Variants in HKDC1 observed in about 807,000 individuals in gnomAD.
HKDC1 encodes the protein hexokinase domain containing 1.
Under a neutral mutation model 96.6 loss-of-function variants are expected in HKDC1, and 66 were observed. That is an observed-to-expected ratio of 0.68 (90% CI 0.56 to 0.84). The LOEUF (loss-of-function observed/expected upper bound fraction) is 0.84. Among genes scored for constraint, HKDC1 ranks in the 40% least tolerant of loss-of-function variants. The pLI, the probability that HKDC1 is intolerant of heterozygous loss-of-function variation, is 0.00. For synonymous variants in HKDC1, 466 were observed against 473.1 expected, an observed-to-expected ratio of 0.98 and a Z score of 0.20; for missense variants, 1,211 against 1,208.1, an observed-to-expected ratio of 1.00 and a Z score of -0.04.
At chr10:69,256,294 A>C (rs979661638) in intron 12 of HKDC1, among the ~76,000 whole-genome samples, 1 of 152,244 alleles carries the variant, frequency 6.6e-6, no homozygotes, top group Admixed American at 6.5e-5. Flanking sequence ...GTACAGGATG[A>C]TAGATCCATA....
chr10:69,248,701 T>C lies in HKDC1; in HGVS notation c.1543T>C (p.Tyr515His), dbSNP rs759564040. The C allele has an allele frequency of 1.7e-5, 28 of 1,611,512 alleles. No homozygotes were observed. Among genetic ancestry groups the C allele is most frequent in the Non-Finnish European group, 2.2e-5 (26 of 1,178,310 alleles). Residue 515 changes from tyrosine to histidine, a missense_variant, in exon 10 of 18, where the codon TAC becomes CAC. Tyr to His is a moderately conservative substitution (Grantham distance 83). Coordinates refer to ENST00000354624, the MANE Select transcript of HKDC1 (RefSeq NM_025130.4). ...GGCCACGGTCAGGATGCTGCCCACCTACGTCTGCGGGCTGCCGGACGGCAC... is the reference window on the plus strand; with the variant it reads ...GGCCACGGTCAGGATGCTGCCCACCCACGTCTGCGGGCTGCCGGACGGCAC... Reference protein sequence around the residue: ...GLATVRMLPTYVCGLPDGTEK... With the variant: ...GLATVRMLPTHVCGLPDGTEK...
intron 12 of HKDC1, 134 bp from the exon 13 acceptor site, chr10:69,256,902 A>G (rs1339672590): frequency 1.5e-6 from 1 of 676,730 alleles, no homozygotes; most frequent in Non-Finnish European, 2.7e-6. Context: ...AGGGTTGTGG[A>G]GGTGGAGGCA....
At chr10:69,246,272 G>T in intron 8 of HKDC1, 38 bp downstream of exon 8, 1 of 1,605,906 alleles carries the variant, frequency 6.2e-7, no homozygotes, top group Non-Finnish European at 8.5e-7. Context: ...GTGGAGGGCT[G>T]GGATGGGAGG....
intron 12 of HKDC1, among the ~76,000 whole-genome samples, chr10:69,253,547 A>G (rs941799167): frequency 2.6e-5 from 4 of 152,210 alleles, no homozygotes; most frequent in African/African-American, 7.2e-5. Flanking sequence ...CAGATTATTT[A>G]ACTTCTCTGA....
rs561816168 is a variant in HKDC1 at position 69,243,285 on chromosome 10, G to A, written c.795G>A (p.Gly265=). Residue 265 remains glycine (G), a synonymous_variant, in exon 7 of 18, where the codon GGG becomes GGA. Transcript: ENST00000354624. ...TCAACACAGAGTGGGGGGCCTTCGGGGACGACGGGGCCCTGGAGGACATTC... is the reference window on the plus strand; with the variant it reads ...TCAACACAGAGTGGGGGGCCTTCGGAGACGACGGGGCCCTGGAGGACATTC... ...MCINTEWGAF[G]DDGALEDIRT... 1 of 1,614,016 alleles carries A rather than the reference G, an allele frequency of 6.2e-7. No homozygotes were observed. Among genetic ancestry groups the A allele is most frequent in the South Asian group, 1.1e-5 (1 of 91,068 alleles).
At chr10:69,254,125 C>A (rs1442877476) in intron 12 of HKDC1, among the ~76,000 whole-genome samples, 1 of 151,976 alleles carries the variant, frequency 6.6e-6, no homozygotes, top group Non-Finnish European at 1.5e-5. Flanking sequence ...GCCAACATGG[C>A]GAAACCCCAT....
At chr10:69,245,192 G>C (rs780333847) in intron 7 of HKDC1, among the ~76,000 whole-genome samples, 1 of 152,178 alleles carries the variant, frequency 6.6e-6, no homozygotes, top group Non-Finnish European at 1.5e-5. Flanking sequence ...ATGAGTCACT[G>C]TACCTGGCCT....
chr10:69,239,404 C>T (rs1206840861), intron 5 of HKDC1, among the ~76,000 whole-genome samples: 3 of 152,208 alleles, frequency 2.0e-5, no homozygotes, highest in Admixed American at 6.5e-5. Context: ...AGCCACAGCC[C>T]TCTCCGGAGG....
chr10:69,225,959 A>G (rs942576435), intron 1 of HKDC1: 15 of 152,286 alleles, frequency 9.8e-5, no homozygotes, highest in Non-Finnish European at 2.1e-4. Context: ...TTCACCGGGA[A>G]TGTGCCTGGG....
chr10:69,239,992 C>T (rs139751695), intron 5 of HKDC1, among the ~76,000 whole-genome samples: 1 of 152,292 alleles, frequency 6.6e-6, no homozygotes, highest in East Asian at 1.9e-4. Context: ...CTTGGCAGAA[C>T]AGGAAATCCA....
intron 8 of HKDC1, 58 bp downstream of exon 8, chr10:69,246,292 G>T: frequency 6.3e-7 from 1 of 1,584,970 alleles, no homozygotes; most frequent in Non-Finnish European, 8.6e-7. Flanking sequence ...GCCCAGGTGT[G>T]GGGTGCTCCA....
At position 69,247,438 on chromosome 10, in the gene HKDC1, C is replaced by G; in HGVS notation, c.1110C>G (p.Ala370=). The change falls in exon 9 of 18, where the codon GCC becomes GCG. Residue 370 remains alanine (A), a synonymous_variant. Coordinates refer to ENST00000354624, the MANE Select transcript of HKDC1 (RefSeq NM_025130.4). The stretch of plus-strand genomic sequence containing the variant: ...AACCGTCTGAGGCTGACTGCATTGC[C>G]GTCCAGCATGTCTGTACCATCGTCT... The part of the protein sequence containing the change: ...GLEPSEADCI[A]VQHVCTIVSF... 6.2e-7 allele frequency: 1 copy of G among 1,614,126 alleles called. No individual in the cohort carries two copies. Among genetic ancestry groups the G allele is most frequent in the Middle Eastern group, 1.6e-4 (1 of 6,062 alleles).
At chr10:69,236,517 A>G (rs1843363280) in intron 4 of HKDC1, among the ~76,000 whole-genome samples, 1 of 151,592 alleles carries the variant, frequency 6.6e-6, no homozygotes, top group Non-Finnish European at 1.5e-5. Context: ...ACAGTGGCTC[A>G]TGCCTGTAAT....
At chr10:69,258,332 A>G (rs1459553954) in intron 14 of HKDC1, among the ~76,000 whole-genome samples, 1 of 152,182 alleles carries the variant, frequency 6.6e-6, no homozygotes, top group Non-Finnish European at 1.5e-5. Flanking sequence ...GTCATGGGCA[A>G]GGAAGAAGAG....
Position 69,265,614 on chromosome 10 carries a change from G to A in HKDC1, c.2402G>A (p.Arg801Lys). 1 of 1,613,782 alleles carries A rather than the reference G, an allele frequency of 6.2e-7. No homozygotes were observed. The highest frequency in any genetic ancestry group is 8.5e-7 in the Non-Finnish European group (1 of 1,179,934). ...CGGCTGGCCCTTCTCCAGGTCAGGA[G>A]GATTCTGCAGCAGCTGGGCCTGGAC... ...SDRLALLQVR[R>K]ILQQLGLDST... The change falls in exon 17 of 18, where the codon AGG (arginine) becomes AAG (lysine). Residue 801 changes from arginine (R) to lysine (K), a missense_variant. Physicochemically the swap from Arg to Lys is conservative, Grantham distance 26. Transcript: ENST00000354624.
chr10:69,232,675 C>T (rs573020810), intron 2 of HKDC1, 89 bp from the exon 3 acceptor site: 22 of 1,199,974 alleles, frequency 1.8e-5, no homozygotes, highest in African/African-American at 1.1e-4. Flanking sequence ...GATTTGAAGA[C>T]GTTGATTATA....
intron 2 of HKDC1, chr10:69,232,223 A>G (rs181401349): frequency 2.7e-3 from 419 of 157,096 alleles, no homozygotes; most frequent in Non-Finnish European, 4.9e-3. Flanking sequence ...GCTCTGGCCT[A>G]AAAAAATCAG....
chr10:69,247,247 C>A, intron 8 of HKDC1, 113 bp from the exon 9 acceptor site: 1 of 705,276 alleles, frequency 1.4e-6, no homozygotes, highest in Non-Finnish European at 2.5e-6. Flanking sequence ...TATTCTATAC[C>A]ATGGACCTGC....
At chr10:69,247,927 T>C (rs1321059039) in intron 9 of HKDC1, among the ~76,000 whole-genome samples, 1 of 152,138 alleles carries the variant, frequency 6.6e-6, no homozygotes, top group African/African-American at 2.4e-5. Context: ...ACACCTACTA[T>C]GTGGTTAAGG....
Sources: gnomAD v4.1 joint callset for allele counts (sites outside exome capture counted in the v4.1 genomes callset) on GRCh38, gnomAD v4.1.1 for gene constraint, MANE v1.5 for transcripts, NCBI Gene and HGNC (gene_info 2026-07-23, HGNC 2026-07-21) for gene names.